KIAA0513: variants seen among roughly 807,000 people sequenced by gnomAD.
KIAA0513 encodes the protein uncharacterized protein KIAA0513.
In KIAA0513, 39 loss-of-function variants were observed where a neutral mutation model predicts 56.5. The observed-to-expected ratio is 0.69, with a 90% CI of 0.53 to 0.90. KIAA0513 has a LOEUF of 0.90. Among genes scored for constraint, KIAA0513 ranks in the 40% least tolerant of loss-of-function variants. KIAA0513 has a pLI of 0.00. For missense variants in KIAA0513, 591 were observed against 535.2 expected, an observed-to-expected ratio of 1.10 and a Z score of -1.03; for synonymous variants, 268 against 215.6, an observed-to-expected ratio of 1.24 and a Z score of -2.13.
At chr16:85,063,144 G>C (rs916920911) in intron 1 of KIAA0513, 1 of 152,174 alleles carries the variant, frequency 6.6e-6, no homozygotes, top group Admixed American at 6.5e-5. Context: ...CTGAGCCCAC[G>C]GAGGAAGGCG....
intron 5 of KIAA0513, 111 bp from the exon 6 acceptor site, chr16:85,077,314 T>A (rs1280413487): frequency 1.0e-6 from 1 of 980,292 alleles, no homozygotes; most frequent in Non-Finnish European, 1.5e-6. Flanking sequence ...GGAGGGAGGC[T>A]CCCGTATCCC....
At position 85,088,511 on chromosome 16, in the gene KIAA0513, C is replaced by G. The variant is rs780537634; in HGVS notation, c.*186C>G. The G allele has an allele frequency of 1.0e-5, 6 of 589,234 alleles. No homozygotes were observed. Among genetic ancestry groups the G allele is most frequent in the Non-Finnish European group, 1.8e-5 (6 of 329,582 alleles). The allele number at this position is 589,234 out of a possible 1,614,324, so 36.5% of individuals were successfully genotyped here. On this transcript the variant is annotated 3_prime_UTR_variant, in exon 13 of 13. Coordinates refer to ENST00000683363, the MANE Select transcript of KIAA0513 (RefSeq NM_001388359.1). ...CCCTCATCTCCTCTGCCTGTGTCTG[C>G]GACCCCCATCCATGTGCCAAAGTGT...
In KIAA0513 at chr16:85,094,009, G is replaced by C. The variant is rs774457687; in HGVS notation, c.*5684G>C. ...ACCTTGTTGGTAGCCCCCAAGTGGC[G>C]TGCAGTGACACCAGTATCTTCTCTG... On this transcript the variant is annotated 3_prime_UTR_variant, in exon 13 of 13. Transcript: ENST00000683363. 1 of 152,180 alleles carries C rather than the reference G, an allele frequency of 6.6e-6. No individual in the cohort carries two copies. The highest frequency in any genetic ancestry group is 1.5e-5 in the Non-Finnish European group (1 of 68,042). 9.4% of individuals were successfully genotyped at this position (152,180 alleles called of 1,614,324 possible).
chr16:85,048,832 T>C (rs2073207617), intron 1 of KIAA0513, among the ~76,000 whole-genome samples: 1 of 152,196 alleles, frequency 6.6e-6, no homozygotes, highest in South Asian at 2.1e-4. Flanking sequence ...AGACCACAAA[T>C]GACCTGTAGA....
intron 10 of KIAA0513, among the ~76,000 whole-genome samples, chr16:85,082,799 G>A (rs995714721): frequency 6.6e-6 from 1 of 152,236 alleles, no homozygotes; most frequent in Non-Finnish European, 1.5e-5. Flanking sequence ...GAACTGGGCA[G>A]GTGGGAGCCT....
At chr16:85,054,963 C>T (rs1425433580) in intron 1 of KIAA0513, among the ~76,000 whole-genome samples, 2 of 152,132 alleles carry the variant, frequency 1.3e-5, no homozygotes, top group Non-Finnish European at 2.9e-5. Context: ...CTCTCTGTTA[C>T]AAAGGCTGGA....
intron 8 of KIAA0513, among the ~76,000 whole-genome samples, chr16:85,079,988 G>T (rs1179359326): frequency 6.6e-6 from 1 of 152,196 alleles, no homozygotes; most frequent in Non-Finnish European, 1.5e-5. Flanking sequence ...TGGAATCAGT[G>T]TCAGACGGGC....
chr16:85,060,563 G>C (rs2073389271), intron 1 of KIAA0513, among the ~76,000 whole-genome samples: 1 of 152,184 alleles, frequency 6.6e-6, no homozygotes, highest in South Asian at 2.1e-4. Flanking sequence ...GTCAGGCCAG[G>C]CACGGCGGCT....
At chr16:85,086,251 C>A (rs1358307300) in intron 10 of KIAA0513, among the ~76,000 whole-genome samples, 9 of 152,236 alleles carry the variant, frequency 5.9e-5, no homozygotes, top group Non-Finnish European at 8.8e-5. Flanking sequence ...GGGCAGGTCC[C>A]CTCCCTCTCT....
intron 1 of KIAA0513, among the ~76,000 whole-genome samples, chr16:85,061,044 T>C (rs1054776117): frequency 1.2e-4 from 18 of 151,612 alleles, no homozygotes; most frequent in Non-Finnish European, 8.8e-5. Context: ...TCCTAGCTAC[T>C]TGGGAGGCCG....
intron 1 of KIAA0513, among the ~76,000 whole-genome samples, chr16:85,043,030 T>C (rs1184087203): frequency 6.6e-6 from 1 of 152,238 alleles, no homozygotes; most frequent in East Asian, 1.9e-4. Context: ...CTACGAGCTT[T>C]ATAAACAAGT....
At chr16:85,050,186 C>T (rs913859039) in intron 1 of KIAA0513, among the ~76,000 whole-genome samples, 2 of 152,060 alleles carry the variant, frequency 1.3e-5, no homozygotes, top group African/African-American at 4.8e-5. Context: ...CAGGAATTAC[C>T]TAGGACCAAT....
chr16:85,053,814 A>C (rs1340229181), intron 1 of KIAA0513, among the ~76,000 whole-genome samples: 1 of 152,118 alleles, frequency 6.6e-6, no homozygotes, highest in East Asian at 1.9e-4. Context: ...CAACATGGTG[A>C]AACCCCGTCT....
At chr16:85,039,880 G>T (rs1445288912) in intron 1 of KIAA0513, among the ~76,000 whole-genome samples, 1 of 151,822 alleles carries the variant, frequency 6.6e-6, no homozygotes, top group Non-Finnish European at 1.5e-5. Flanking sequence ...TGTCACCCAG[G>T]CTGGAGTGCA....
intron 1 of KIAA0513, among the ~76,000 whole-genome samples, chr16:85,051,363 T>G (rs896134324): frequency 6.6e-6 from 1 of 152,232 alleles, no homozygotes; most frequent in Non-Finnish European, 1.5e-5. Flanking sequence ...ATAGCCATTA[T>G]GACAGTTTTA....
At chr16:85,074,343 T>TATATATACACAC (rs2073625115) in intron 4 of KIAA0513, among the ~76,000 whole-genome samples, 1 of 130,478 alleles carries the variant, frequency 7.7e-6, no homozygotes, top group African/African-American at 2.9e-5. Flanking sequence ...TATACACACA[T>TATATATACACAC]ACACACACAC....
At chr16:85,066,156 T>C (rs997709484) in intron 1 of KIAA0513, among the ~76,000 whole-genome samples, 2 of 152,136 alleles carry the variant, frequency 1.3e-5, no homozygotes, top group African/African-American at 4.8e-5. Context: ...CAGTCATTCA[T>C]GTTGAATAGG....
chr16:85,067,522 A>G, intron 2 of KIAA0513, 122 bp downstream of exon 2: 1 of 765,806 alleles, frequency 1.3e-6, no homozygotes, highest in Non-Finnish European at 2.1e-6. Flanking sequence ...CCATTTCCCC[A>G]TCAGCCAGGG....
chr16:85,093,052 A>G lies in KIAA0513; in HGVS notation c.*4727A>G, dbSNP rs1164417726. 1.3e-5 allele frequency: 2 copies of G among 152,308 alleles called. No homozygotes were observed. The highest frequency in any genetic ancestry group is 2.1e-4 in the South Asian group (1 of 4,824). The allele number at this position is 152,308 out of a possible 1,614,324, so 9.4% of individuals were successfully genotyped here. On this transcript the variant is annotated 3_prime_UTR_variant, in exon 13 of 13. Coordinates refer to ENST00000683363, the MANE Select transcript of KIAA0513 (RefSeq NM_001388359.1). ...GCTCTCCAGGAAAGGGACGGAATCA[A>G]TCCTGTGACCGATGGGCTCGCAAGG...
Sources: gnomAD v4.1 joint callset for allele counts (sites outside exome capture counted in the v4.1 genomes callset) on GRCh38, gnomAD v4.1.1 for gene constraint, MANE v1.5 for transcripts, NCBI Gene and HGNC (gene_info 2026-07-23, HGNC 2026-07-21) for gene names.